Variants in PTPN3 observed in about 807,000 individuals in gnomAD.
PTPN3 encodes protein tyrosine phosphatase non-receptor type 3.
In PTPN3, 96 loss-of-function variants were observed where a neutral mutation model predicts 132.7. The observed-to-expected ratio is 0.72, with a 90% confidence interval of 0.61 to 0.86. The LOEUF is 0.86. Among genes scored for constraint, PTPN3 ranks in the 40% least tolerant of loss-of-function variants. The probability of loss-of-function intolerance (pLI) is 0.00; values close to 1 mark genes in which losing one functional copy is unlikely to be tolerated. For synonymous variants in PTPN3, 398 were observed against 429.0 expected, an observed-to-expected ratio of 0.93 and a Z score of 0.89; for missense variants, 1,125 against 1,159.6, an observed-to-expected ratio of 0.97 and a Z score of 0.43.
chr9:109,394,505 C>A (rs763274938), intron 19 of PTPN3, among the ~76,000 whole-genome samples: 30 of 149,164 alleles, frequency 2.0e-4, no homozygotes, highest in Non-Finnish European at 4.1e-4. Context: ...TGCAGTGGTG[C>A]GATCTCAGCT....
At chr9:109,465,053 T>G (rs1221842736) in intron 1 of PTPN3, among the ~76,000 whole-genome samples, 3 of 152,244 alleles carry the variant, frequency 2.0e-5, no homozygotes, top group Non-Finnish European at 1.5e-5. Flanking sequence ...TGTGTACTTT[T>G]CCATATGTAT....
At chr9:109,422,575 G>A in intron 13 of PTPN3, 143 bp downstream of exon 13, 1 of 967,730 alleles carries the variant, frequency 1.0e-6, no homozygotes, top group Non-Finnish European at 1.5e-6. Context: ...TGTACTTCAT[G>A]AAAACAGTTA....
chr9:109,529,435 C>T, the PTPN3 span, among the ~76,000 whole-genome samples: 1 of 152,188 alleles, frequency 6.6e-6, no homozygotes, highest in African/African-American at 2.4e-5. Flanking sequence ...GAGAGTGCCC[C>T]AGTTAATTTC....
chr9:109,528,392 A>G, the PTPN3 span, among the ~76,000 whole-genome samples: 1 of 152,256 alleles, frequency 6.6e-6, no homozygotes, highest in Admixed American at 6.5e-5. Context: ...GGAATACTAC[A>G]TATCAATGAA....
chr9:109,445,354 A>C, intron 6 of PTPN3, 62 bp from the exon 7 acceptor site: 1 of 1,410,942 alleles, frequency 7.1e-7, no homozygotes, highest in Non-Finnish European at 1.0e-6. Context: ...AAACATTGAC[A>C]GATCATGCGT....
At chr9:109,391,655 A>G in intron 19 of PTPN3, 94 bp from the exon 20 acceptor site, 1 of 1,037,630 alleles carries the variant, frequency 9.6e-7, no homozygotes, top group Non-Finnish European at 1.4e-6. Context: ...CAAAATCTTA[A>G]CATTTTAAAG....
intron 16 of PTPN3, among the ~76,000 whole-genome samples, chr9:109,409,177 G>A (rs911467137): frequency 2.6e-5 from 4 of 152,132 alleles, no homozygotes; most frequent in Non-Finnish European, 5.9e-5. Flanking sequence ...AAAAAAACTA[G>A]TTACAGAAAC....
the PTPN3 span, among the ~76,000 whole-genome samples, chr9:109,523,240 G>A: frequency 6.6e-6 from 1 of 151,478 alleles, no homozygotes; most frequent in South Asian, 2.1e-4. Flanking sequence ...TCAGCCTCCC[G>A]AGTAGCTGGG....
the PTPN3 span, among the ~76,000 whole-genome samples, chr9:109,526,714 C>T: frequency 1.3e-5 from 2 of 152,004 alleles, no homozygotes; most frequent in African/African-American, 4.8e-5. Flanking sequence ...AGCAAAGGAC[C>T]TAGAAGAGCC....
intron 1 of PTPN3, among the ~76,000 whole-genome samples, chr9:109,476,929 A>G (rs1342406977): frequency 6.6e-6 from 1 of 152,006 alleles, no homozygotes; most frequent in Non-Finnish European, 1.5e-5. Flanking sequence ...GGCTTCAGCG[A>G]TTTCCAAGTA....
intron 1 of PTPN3, among the ~76,000 whole-genome samples, chr9:109,494,778 A>G (rs1442276133): frequency 6.6e-6 from 1 of 152,096 alleles, no homozygotes; most frequent in African/African-American, 2.4e-5. Flanking sequence ...TCCACCATGA[A>G]TCCTTCCAAG....
Position 109,427,063 on chromosome 9 carries a change from G to A in PTPN3, c.888C>T (p.Asn296=). Residue 296 remains asparagine (N), a synonymous_variant, in exon 12 of 26, where the codon AAC becomes AAT. Coordinates refer to ENST00000374541, the MANE Select transcript of PTPN3 (RefSeq NM_002829.4). ...GGTGCTCAACACAGGATTTCCACAA[G>A]TTTTTGCAAGATCGGTAATTCAGCA... ...FNMLNYRSCK[N]LWKSCVEHHT... 1.2e-6 allele frequency: 2 copies of A among 1,614,124 alleles called. No homozygotes were observed. Among genetic ancestry groups the A allele is most frequent in the Non-Finnish European group, 8.5e-7 (1 of 1,179,976 alleles).
the PTPN3 span, chr9:109,533,435 C>T: frequency 6.0e-5 from 83 of 1,379,120 alleles, no homozygotes; most frequent in East Asian, 1.9e-3. Context: ...CATGAGCCAC[C>T]GCACCTGGCC....
the PTPN3 span, among the ~76,000 whole-genome samples, chr9:109,512,878 C>T: frequency 6.6e-6 from 1 of 152,170 alleles, no homozygotes; most frequent in Non-Finnish European, 1.5e-5. Flanking sequence ...TTGTTCTTTC[C>T]TTCCCCTGGT....
At chr9:109,395,486 G>C (rs952676091) in intron 19 of PTPN3, among the ~76,000 whole-genome samples, 1 of 152,058 alleles carries the variant, frequency 6.6e-6, no homozygotes, top group Non-Finnish European at 1.5e-5. Context: ...AGTTTCCTAA[G>C]TGTTGAGAGT....
At chr9:109,396,906 C>G (rs1488025258) in intron 19 of PTPN3, among the ~76,000 whole-genome samples, 1 of 152,242 alleles carries the variant, frequency 6.6e-6, no homozygotes, top group Non-Finnish European at 1.5e-5. Flanking sequence ...GTGCAGCCTA[C>G]TCACATCCCT....
chr9:109,413,271 T>C (rs1842218871), intron 14 of PTPN3, among the ~76,000 whole-genome samples: 1 of 152,190 alleles, frequency 6.6e-6, no homozygotes, highest in South Asian at 2.1e-4. Context: ...ACCTATTTTC[T>C]AAGCAGGGTT....
chr9:109,507,415 C>G, the PTPN3 span, among the ~76,000 whole-genome samples: 1 of 152,198 alleles, frequency 6.6e-6, no homozygotes, highest in Non-Finnish European at 1.5e-5. Flanking sequence ...GTCCTGGGCC[C>G]AGGAGAACAC....
intron 1 of PTPN3, among the ~76,000 whole-genome samples, chr9:109,469,544 G>A (rs1041065562): frequency 6.6e-6 from 1 of 152,142 alleles, no homozygotes; most frequent in Non-Finnish European, 1.5e-5. Flanking sequence ...GCTCGAACCC[G>A]GGAAGCAGAG....
Sources: allele counts gnomAD v4.1 joint callset (sites outside exome capture counted in the v4.1 genomes callset), GRCh38; gene constraint gnomAD v4.1.1; transcripts MANE v1.5; gene names NCBI Gene and HGNC (gene_info 2026-07-23, HGNC 2026-07-21).